Variants in LARGE1 observed in about 807,000 individuals in gnomAD.
LARGE1 encodes the protein xylosyl- and glucuronyltransferase LARGE1.
In LARGE1, 43 loss-of-function variants were observed where a neutral mutation model predicts 87.6. The observed-to-expected ratio is 0.49, with a 90% CI of 0.38 to 0.63. The LOEUF is 0.63. Ranked by LOEUF, LARGE1 falls within the 30% of genes least tolerant of loss-of-function variation. The probability of loss-of-function intolerance (pLI) is 0.00; values close to 1 mark genes in which losing one functional copy is unlikely to be tolerated. For synonymous variants in LARGE1, 434 were observed against 394.6 expected, an observed-to-expected ratio of 1.10 and a Z score of -1.18; for missense variants, 802 against 1,000.2, an observed-to-expected ratio of 0.80 and a Z score of 2.67.
At chr22:33,733,752 G>A (rs1569414331) in intron 2 of LARGE1, 1 of 152,210 alleles carries the variant, frequency 6.6e-6, no homozygotes, top group Non-Finnish European at 1.5e-5. Context: ...TAGGGAGATA[G>A]ACAAACAGCA....
intron 6 of LARGE1, among the ~76,000 whole-genome samples, chr22:33,440,664 A>C (rs1281248735): frequency 6.6e-6 from 1 of 152,358 alleles, no homozygotes; most frequent in South Asian, 2.1e-4. Flanking sequence ...CCGTTTACTA[A>C]ACCTCCTGAA....
At chr22:33,292,721 G>C (rs1932770011) in intron 12 of LARGE1, among the ~76,000 whole-genome samples, 1 of 152,168 alleles carries the variant, frequency 6.6e-6, no homozygotes, top group Non-Finnish European at 1.5e-5. Flanking sequence ...CCTGATGGCT[G>C]GGTACCTCTC....
At chr22:33,397,269 C>A (rs1224053129) in intron 7 of LARGE1, among the ~76,000 whole-genome samples, 2 of 152,168 alleles carry the variant, frequency 1.3e-5, no homozygotes, top group African/African-American at 4.8e-5. Flanking sequence ...GCATGTGCCA[C>A]TATGCCCGGC....
chr22:33,783,687 A>T (rs2085506259), intron 1 of LARGE1, among the ~76,000 whole-genome samples: 1 of 152,240 alleles, frequency 6.6e-6, no homozygotes, highest in Non-Finnish European at 1.5e-5. Context: ...TTAATCAAAC[A>T]AGTATCCATT....
chr22:33,198,674 C>CAT (rs1369741224), intron 11 of LARGE1, among the ~76,000 whole-genome samples: 2,059 of 138,016 alleles, frequency 0.015, 50 homozygotes, highest in African/African-American at 0.056. Flanking sequence ...CACACACACA[C>CAT]ACGTATCTAA....
intron 11 of LARGE1, among the ~76,000 whole-genome samples, chr22:33,196,708 A>T (rs562665341): frequency 5.3e-5 from 8 of 152,112 alleles, no homozygotes; most frequent in Admixed American, 5.2e-4. Flanking sequence ...GAGCAAAAGG[A>T]TGAGGAAGAG....
In LARGE1 at chr22:33,739,340, C is replaced by G. The variant is rs527761739; in HGVS notation, c.106+22031G>C. Among the ~76,000 whole-genome samples, 6 of 152,268 alleles carry G rather than the reference C, an allele frequency of 3.9e-5. No homozygotes were observed. The East Asian group carries it at 9.7e-4, about 25-fold the overall frequency. ...CCTGTCTCCTGTTCCTGCCCCTGGGCATCTGACATCCTCAGTTCACAGCTA... is the reference window on the plus strand; with the variant it reads ...CCTGTCTCCTGTTCCTGCCCCTGGGGATCTGACATCCTCAGTTCACAGCTA... On this transcript the variant is annotated intron_variant, in intron 2 of 14. Coordinates refer to ENST00000397394, the MANE Select transcript of LARGE1 (RefSeq NM_133642.5).
intron 1 of LARGE1, among the ~76,000 whole-genome samples, chr22:33,836,944 G>C (rs1256260115): frequency 2.0e-5 from 3 of 152,090 alleles, no homozygotes; most frequent in African/African-American, 4.8e-5. Context: ...AACATACTGA[G>C]AACGAAAAGG....
chr22:33,125,936 C>T, the LARGE1 span, among the ~76,000 whole-genome samples: 50 of 152,108 alleles, frequency 3.3e-4, no homozygotes, highest in East Asian at 9.3e-3. Context: ...TTAATAGAGA[C>T]GGGGTTTCAC....
At chr22:33,409,180 G>A (rs113956867) in intron 7 of LARGE1, among the ~76,000 whole-genome samples, 224 of 152,288 alleles carry the variant, frequency 1.5e-3, no homozygotes, top group African/African-American at 5.0e-3. Context: ...CTGCTGTGGT[G>A]AAATGTCAAA....
chr22:33,913,380 T>C (rs1262816044), intron 1 of LARGE1, among the ~76,000 whole-genome samples: 1 of 152,232 alleles, frequency 6.6e-6, no homozygotes, highest in Non-Finnish European at 1.5e-5. Flanking sequence ...AAATAAGTAA[T>C]CTGCCAAAAG....
In LARGE1 at chr22:33,686,346, G is replaced by A. The variant is rs561617388; in HGVS notation, c.107-35678C>T. On this transcript the variant is annotated intron_variant, in intron 2 of 14. Coordinates refer to ENST00000397394, the MANE Select transcript of LARGE1 (RefSeq NM_133642.5). ...GTTCAAGACCAGGGGTTCGAGACCAGACTGGCCAACATGGTGAAACCCTGT... is the reference window on the plus strand; with the variant it reads ...GTTCAAGACCAGGGGTTCGAGACCAAACTGGCCAACATGGTGAAACCCTGT... 2.0e-5 allele frequency among the ~76,000 whole-genome samples: 3 copies of A among 151,910 alleles called. No homozygotes were observed. The East Asian group carries it at 5.9e-4, about 30-fold the overall frequency.
chr22:33,067,544 C>G, the LARGE1 span, among the ~76,000 whole-genome samples: 1 of 152,000 alleles, frequency 6.6e-6, no homozygotes, highest in Non-Finnish European at 1.5e-5. Context: ...ATATTAATAC[C>G]TCCATTTTAA....
At chr22:33,743,340 C>T (rs2083959161) in intron 2 of LARGE1, 1 of 152,226 alleles carries the variant, frequency 6.6e-6, no homozygotes, top group Non-Finnish European at 1.5e-5. Context: ...TCAATATGTC[C>T]TGAACCAGCC....
rs372452352 is a variant in LARGE1, at chr22:33,389,305, C to T, written c.893-5001G>A. On this transcript the variant is annotated intron_variant, in intron 7 of 14. Transcript: ENST00000397394. ...AGGTGCGTTCCAACCATGTTTATGC[C>T]GTTTCCTACAGAGAAAATGCTATTC... Among the ~76,000 whole-genome samples, 177 of 152,302 alleles carry T rather than the reference C, an allele frequency of 1.2e-3. 2 individuals carry two copies. Among genetic ancestry groups the T allele is most frequent in the African/African-American group, 4.1e-3 (169 of 41,568 alleles).
At chr22:33,084,539 C>T in the LARGE1 span, among the ~76,000 whole-genome samples, 1 of 151,768 alleles carries the variant, frequency 6.6e-6, no homozygotes, top group South Asian at 2.1e-4. Flanking sequence ...CCTGTAGTCC[C>T]AGCTACTTGG....
exon 12 of LARGE1, chr22:33,162,761 G>A (rs1415053499): frequency 2.0e-5 from 3 of 152,168 alleles, no homozygotes; most frequent in African/African-American, 7.2e-5. Context: ...TGGTTGCACA[G>A]CTCTAACAAT....
chr22:33,535,253 C>A (rs2077008248), intron 6 of LARGE1, among the ~76,000 whole-genome samples: 1 of 152,138 alleles, frequency 6.6e-6, no homozygotes, highest in Non-Finnish European at 1.5e-5. Context: ...CAAGAGAAAA[C>A]CTCCAGCAGG....
intron 9 of LARGE1, among the ~76,000 whole-genome samples, chr22:33,380,155 C>T (rs1015679033): frequency 6.6e-6 from 1 of 152,050 alleles, no homozygotes; most frequent in African/African-American, 2.4e-5. Context: ...TTTTTTAATC[C>T]AGCATTTTTA....
Sources: allele counts gnomAD v4.1 joint callset (sites outside exome capture counted in the v4.1 genomes callset), GRCh38; gene constraint gnomAD v4.1.1; transcripts MANE v1.5; gene names NCBI Gene and HGNC (gene_info 2026-07-23, HGNC 2026-07-21).